PTPRO: variants seen among roughly 807,000 people sequenced by gnomAD.
The protein encoded by PTPRO is receptor-type tyrosine-protein phosphatase O.
Under a neutral mutation model 145.2 loss-of-function variants are expected in PTPRO, and 62 were observed. That is an observed-to-expected ratio of 0.43 (90% confidence interval 0.35 to 0.53). The LOEUF is 0.53. Among genes scored for constraint, PTPRO ranks in the 20% least tolerant of loss-of-function variants. The pLI is 0.01. For missense variants in PTPRO, 1,345 were observed against 1,482.7 expected, an observed-to-expected ratio of 0.91 and a Z score of 1.53; for synonymous variants, 565 against 514.7, an observed-to-expected ratio of 1.10 and a Z score of -1.32.
At chr12:15,569,752 T>C (rs1379136969) in intron 19 of PTPRO, among the ~76,000 whole-genome samples, 1 of 152,168 alleles carries the variant, frequency 6.6e-6, no homozygotes, top group Non-Finnish European at 1.5e-5. Flanking sequence ...ATGGGTATAG[T>C]AGAAGCCATC....
At chr12:15,489,838 C>A (rs901959819) in intron 2 of PTPRO, among the ~76,000 whole-genome samples, 2 of 151,922 alleles carry the variant, frequency 1.3e-5, no homozygotes, top group African/African-American at 4.8e-5. Context: ...GAAGGCAGCA[C>A]AGAAGAAACA....
intron 1 of PTPRO, among the ~76,000 whole-genome samples, chr12:15,346,972 A>T (rs1337702369): frequency 6.6e-6 from 1 of 151,860 alleles, no homozygotes; most frequent in Non-Finnish European, 1.5e-5. Context: ...CACACTTGAT[A>T]CTCATTCTCA....
intron 1 of PTPRO, among the ~76,000 whole-genome samples, chr12:15,393,754 C>G (rs1224268144): frequency 2.6e-5 from 4 of 152,064 alleles, no homozygotes; most frequent in Non-Finnish European, 2.9e-5. Flanking sequence ...ATTTATGTCA[C>G]TGTCTTAGTC....
intron 25 of PTPRO, among the ~76,000 whole-genome samples, chr12:15,591,877 TA>T (rs1184918011): frequency 1.3e-5 from 2 of 151,630 alleles, no homozygotes; most frequent in African/African-American, 4.8e-5. Context: ...AAAAACCCCA[TA>T]AAATAATTAA....
At chr12:15,556,891 G>A (rs927829359) in intron 15 of PTPRO, among the ~76,000 whole-genome samples, 2 of 152,134 alleles carry the variant, frequency 1.3e-5, no homozygotes, top group African/African-American at 4.8e-5. Flanking sequence ...CCTTTGGAAA[G>A]GATTGTGAAG....
intron 12 of PTPRO, among the ~76,000 whole-genome samples, chr12:15,527,868 A>G (rs997455537): frequency 6.6e-6 from 1 of 151,652 alleles, no homozygotes; most frequent in Non-Finnish European, 1.5e-5. Context: ...TCAAACAGGG[A>G]ACTGTGACCC....
intron 12 of PTPRO, among the ~76,000 whole-genome samples, chr12:15,533,906 A>G (rs10846194): frequency 0.43 from 66,006 of 151,970 alleles, 14,797 homozygotes; most frequent in African/African-American, 0.53. Context: ...CTCCTGTGTC[A>G]TGGAGGGTAG....
At chr12:15,366,411 T>G (rs1175293562) in intron 1 of PTPRO, among the ~76,000 whole-genome samples, 2 of 152,192 alleles carry the variant, frequency 1.3e-5, no homozygotes, top group East Asian at 3.9e-4. Context: ...TTCATAATGT[T>G]TAAACTTTGA....
In PTPRO at chr12:15,557,369, G is replaced by C. The variant is rs1295137240; in HGVS notation, c.2559-86G>C. 2.5e-6 allele frequency: 3 copies of C among 1,181,904 alleles called. No individual in the cohort carries two copies. The East Asian group carries it at 7.0e-5, about 28-fold the overall frequency. The allele number at this position is 1,181,904 out of a possible 1,614,324, so 73.2% of individuals were successfully genotyped here. On this transcript the variant is annotated intron_variant, in intron 15 of 26. Coordinates refer to ENST00000281171, the MANE Select transcript of PTPRO (RefSeq NM_030667.3). ...TTTTAATTTAATGCTGTGATGATAAGCTGGTAAAGACTCTCTTTACTTTTA... is the reference window on the plus strand; with the variant it reads ...TTTTAATTTAATGCTGTGATGATAACCTGGTAAAGACTCTCTTTACTTTTA...
chr12:15,553,070 G>A (rs1943513398), intron 15 of PTPRO, among the ~76,000 whole-genome samples: 1 of 152,072 alleles, frequency 6.6e-6, no homozygotes, highest in Non-Finnish European at 1.5e-5. Flanking sequence ...AAAGTGCTGG[G>A]ACTATAGGCG....
At chr12:15,581,852 A>C (rs1175735341) in intron 23 of PTPRO, 51 bp downstream of exon 23, 1 of 1,612,216 alleles carries the variant, frequency 6.2e-7, no homozygotes, top group Non-Finnish European at 8.5e-7. Context: ...ACACCTGCTG[A>C]GACCAGTTTG....
Position 15,551,678 on chromosome 12 carries a change from T to C in PTPRO, c.2558+7T>C. The stretch of plus-strand genomic sequence containing the variant: ...AGCATCTGCAGATGGCTAGGTAAGT[T>C]AAGTTTTACTAATATTTTATCCGGA... On this transcript the variant is annotated splice_region_variant and intron_variant, in intron 15 of 26. Transcript: ENST00000281171. 6.2e-7 allele frequency: 1 copy of C among 1,612,196 alleles called. No individual in the cohort carries two copies. Among genetic ancestry groups the C allele is most frequent in the Non-Finnish European group, 8.5e-7 (1 of 1,178,786 alleles).
intron 1 of PTPRO, among the ~76,000 whole-genome samples, chr12:15,468,849 A>G (rs1446657633): frequency 1.3e-5 from 2 of 152,200 alleles, no homozygotes; most frequent in Non-Finnish European, 2.9e-5. Context: ...GCTTTAATTT[A>G]TTCTGCCTAT....
At chr12:15,555,098 C>T (rs559825520) in intron 15 of PTPRO, among the ~76,000 whole-genome samples, 17 of 151,928 alleles carry the variant, frequency 1.1e-4, no homozygotes, top group Non-Finnish European at 1.3e-4. Flanking sequence ...ATTAGCCAGG[C>T]GTGGTGGCGG....
At chr12:15,518,977 T>G (rs1942655317) in intron 9 of PTPRO, among the ~76,000 whole-genome samples, 1 of 152,184 alleles carries the variant, frequency 6.6e-6, no homozygotes, top group Non-Finnish European at 1.5e-5. Context: ...GTTCTGGGTA[T>G]CTTCTCAGCA....
chr12:15,341,055 G>C (rs754995970), intron 1 of PTPRO, among the ~76,000 whole-genome samples: 1 of 152,110 alleles, frequency 6.6e-6, no homozygotes, highest in Non-Finnish European at 1.5e-5. Context: ...TTACATATCT[G>C]ACTGTTCAGT....
At chr12:15,584,880 G>A (rs1944397899) in intron 23 of PTPRO, among the ~76,000 whole-genome samples, 1 of 152,150 alleles carries the variant, frequency 6.6e-6, no homozygotes, top group Non-Finnish European at 1.5e-5. Flanking sequence ...AAAACCAGAA[G>A]AGTTTTCTCC....
At chr12:15,458,163 A>C (rs1244141660) in intron 1 of PTPRO, among the ~76,000 whole-genome samples, 1 of 152,076 alleles carries the variant, frequency 6.6e-6, no homozygotes, top group Non-Finnish European at 1.5e-5. Flanking sequence ...TTCTTTCAGC[A>C]CTTTTAATAT....
chr12:15,524,565 AT>A (rs1245986796), intron 10 of PTPRO, among the ~76,000 whole-genome samples: 2 of 152,186 alleles, frequency 1.3e-5, no homozygotes, highest in Non-Finnish European at 2.9e-5. Flanking sequence ...AGACTTTGAT[AT>A]CCTCAGGTAC....
Sources: gnomAD v4.1 joint callset for allele counts (sites outside exome capture counted in the v4.1 genomes callset) on GRCh38, gnomAD v4.1.1 for gene constraint, MANE v1.5 for transcripts, NCBI Gene and HGNC (gene_info 2026-07-23, HGNC 2026-07-21) for gene names.